SEPTIN14: variants seen among roughly 807,000 people sequenced by gnomAD.
SEPTIN14 encodes septin 14, also known as septin-14.
A neutral mutation model predicts 53.6 loss-of-function variants in SEPTIN14; 40 were observed. The ratio of observed to expected loss-of-function variants is 0.75; its 90% CI spans 0.58 to 0.97. SEPTIN14 has a LOEUF of 0.97. SEPTIN14 is among the 50% of genes least tolerant of loss of function. The pLI is 0.00. For missense variants in SEPTIN14, 471 were observed against 508.2 expected (o/e 0.93, Z 0.70); for synonymous variants, 138 against 166.8 (o/e 0.83, Z 1.33).
chr7:55,800,186 C>T (rs894290770), intron 9 of SEPTIN14, among the ~76,000 whole-genome samples: 12 of 152,126 alleles, frequency 7.9e-5, no homozygotes, highest in Non-Finnish European at 1.5e-4. Flanking sequence ...CAGTGGACTA[C>T]TATTCAGCCA....
intron 7 of SEPTIN14, among the ~76,000 whole-genome samples, chr7:55,807,655 T>A (rs1764225688): frequency 6.6e-6 from 1 of 152,168 alleles, no homozygotes; most frequent in Admixed American, 6.6e-5. Context: ...GAGTAAATTC[T>A]GCTAGCAAAA....
intron 4 of SEPTIN14, 61 bp from the exon 5 acceptor site, chr7:55,843,189 A>G (rs1016175026): frequency 1.7e-5 from 18 of 1,046,232 alleles, no homozygotes; most frequent in Non-Finnish European, 2.4e-5. Flanking sequence ...CTGCTTTTTG[A>G]CCACTTAATG....
intron 5 of SEPTIN14, among the ~76,000 whole-genome samples, chr7:55,840,809 G>A (rs1438163368): frequency 6.6e-6 from 1 of 151,996 alleles, no homozygotes; most frequent in Non-Finnish European, 1.5e-5. Flanking sequence ...CCACATAATG[G>A]CATTTCAGTA....
intron 6 of SEPTIN14, among the ~76,000 whole-genome samples, chr7:55,822,288 A>G (rs1245792663): frequency 1.3e-5 from 2 of 152,232 alleles, no homozygotes; most frequent in African/African-American, 4.8e-5. Context: ...TTCCATGTAC[A>G]TGGATAGAAA....
chr7:55,811,049 C>T, intron 7 of SEPTIN14: 1 of 457,004 alleles, frequency 2.2e-6, no homozygotes, highest in Non-Finnish European at 4.2e-6. Flanking sequence ...CTTCCTCTTC[C>T]ACTATCATTT....
At chr7:55,826,884 C>T (rs1788998349) in intron 6 of SEPTIN14, among the ~76,000 whole-genome samples, 1 of 152,160 alleles carries the variant, frequency 6.6e-6, no homozygotes, top group Non-Finnish European at 1.5e-5. Flanking sequence ...AGCCCGGCTC[C>T]CAGATACTTG....
At chr7:55,833,053 G>A (rs151075637) in intron 6 of SEPTIN14, among the ~76,000 whole-genome samples, 4 of 151,946 alleles carry the variant, frequency 2.6e-5, no homozygotes, top group South Asian at 4.2e-4. Flanking sequence ...GGTGGCTCAC[G>A]CCTGTAATCC....
chr7:55,796,300 G>A (rs974030817), intron 9 of SEPTIN14, among the ~76,000 whole-genome samples: 2 of 151,940 alleles, frequency 1.3e-5, no homozygotes, highest in African/African-American at 4.8e-5. Flanking sequence ...GTCTCACTCT[G>A]CTGCCCAGGC....
At chr7:55,835,014 C>T (rs1448499102) in intron 5 of SEPTIN14, among the ~76,000 whole-genome samples, 2 of 152,108 alleles carry the variant, frequency 1.3e-5, no homozygotes, top group Non-Finnish European at 2.9e-5. Flanking sequence ...TAATCACTGG[C>T]TGTCATGCTT....
At chr7:55,853,395 A>C (rs1288531009) in intron 2 of SEPTIN14, among the ~76,000 whole-genome samples, 1 of 152,216 alleles carries the variant, frequency 6.6e-6, no homozygotes, top group Non-Finnish European at 1.5e-5. Flanking sequence ...GATGGAACCT[A>C]ACATTATGTT....
At chr7:55,807,944 T>C (rs1237003573) in intron 7 of SEPTIN14, among the ~76,000 whole-genome samples, 1 of 152,104 alleles carries the variant, frequency 6.6e-6, no homozygotes, top group African/African-American at 2.4e-5. Flanking sequence ...AGAGGTCAGT[T>C]CATTAAAAAA....
chr7:55,809,914 G>C (rs1399842613), intron 7 of SEPTIN14, among the ~76,000 whole-genome samples: 1 of 146,890 alleles, frequency 6.8e-6, no homozygotes, highest in African/African-American at 2.5e-5. Flanking sequence ...CTCACTGCAA[G>C]CTCTGCCTCC....
chr7:55,818,431 C>T (rs113578283), intron 7 of SEPTIN14, among the ~76,000 whole-genome samples: 29,898 of 143,950 alleles, frequency 0.21, 4,010 homozygotes, highest in East Asian at 0.44. Flanking sequence ...AAGATCATGC[C>T]ACTGCACTCC....
intron 2 of SEPTIN14, among the ~76,000 whole-genome samples, chr7:55,854,039 T>G (rs1789564282): frequency 6.6e-6 from 1 of 152,036 alleles, no homozygotes; most frequent in Non-Finnish European, 1.5e-5. Context: ...GAGAATCACT[T>G]AAGCCCAGGA....
Position 55,807,244 on chromosome 7 carries a change from G to C in SEPTIN14, c.832C>G (p.His278Asp). The part of the protein sequence containing the change: ...WGVLQVENEN[H>D]CDFVKLRDML... The stretch of plus-strand genomic sequence containing the variant: ...TCTCGGAGCTTAACGAAGTCACAGT[G>C]ATTTTCATTTTCCACTAGTAAAAAA... Residue 278 changes from histidine to aspartate, a missense_variant, in exon 8 of 10, where the codon CAC becomes GAC. Physicochemically the swap from His to Asp is moderately conservative, Grantham distance 81. Coordinates refer to ENST00000388975, the MANE Select transcript of SEPTIN14 (RefSeq NM_207366.3). 1 of 1,575,212 alleles carries C rather than the reference G, an allele frequency of 6.3e-7. No homozygotes were observed. Among genetic ancestry groups the C allele is most frequent in the Non-Finnish European group, 8.6e-7 (1 of 1,167,368 alleles).
chr7:55,857,363 ACT>A (rs1789649120), intron 2 of SEPTIN14, among the ~76,000 whole-genome samples: 1 of 150,062 alleles, frequency 6.7e-6, no homozygotes, highest in South Asian at 2.2e-4. Flanking sequence ...CAAGAGGAAA[ACT>A]CTGTCTCGAA....
At position 55,844,553 on chromosome 7, in the gene SEPTIN14, C is replaced by A; in HGVS notation, c.341G>T (p.Gly114Val). Residue 114 changes from glycine to valine, a missense_variant, in exon 4 of 10, where the codon GGG becomes GTG. Gly to Val is a moderately radical substitution (Grantham distance 109). Transcript: ENST00000388975. ...QLKLTVVETV[G>V]YGDQIDKEAS... The stretch of plus-strand genomic sequence containing the variant: ...TTCTTTGTCTATTTGATCACCATAC[C>A]CTACTGTCTCCACAACAGTCAATTT... 6.3e-7 allele frequency: 1 copy of A among 1,584,818 alleles called. No homozygotes were observed. Among genetic ancestry groups the A allele is most frequent in the East Asian group, 2.2e-5 (1 of 44,476 alleles).
intron 9 of SEPTIN14, among the ~76,000 whole-genome samples, chr7:55,800,684 G>A (rs1242175412): frequency 1.3e-5 from 2 of 152,194 alleles, no homozygotes; most frequent in Admixed American, 1.3e-4. Context: ...CCAGAGGCTG[G>A]GAAGGGTGGT....
At chr7:55,838,326 A>G (rs1298484301) in intron 5 of SEPTIN14, among the ~76,000 whole-genome samples, 1 of 152,198 alleles carries the variant, frequency 6.6e-6, no homozygotes, top group East Asian at 1.9e-4. Flanking sequence ...AACCAGGATC[A>G]CAAAAGCTTT....
Sources: gnomAD v4.1 joint callset for allele counts (sites outside exome capture counted in the v4.1 genomes callset) on GRCh38, gnomAD v4.1.1 for gene constraint, MANE v1.5 for transcripts, NCBI Gene and HGNC (gene_info 2026-07-23, HGNC 2026-07-21) for gene names.